The following ZFPM2 variants were observed in gnomAD, a reference collection of about 807,000 sequenced individuals.
ZFPM2 encodes the protein zinc finger protein ZFPM2.
A neutral mutation model predicts 98.6 loss-of-function variants in ZFPM2; 20 were observed. The observed-to-expected ratio is 0.20, with a 90% CI of 0.14 to 0.29. The LOEUF is 0.29. ZFPM2 is among the 10% of genes least tolerant of loss of function. The pLI, the probability that ZFPM2 is intolerant of heterozygous loss-of-function variation, is 1.00. For synonymous variants in ZFPM2, 518 were observed against 502.7 expected, an observed-to-expected ratio of 1.03 and a Z score of -0.41; for missense variants, 1,310 against 1,388.6, an observed-to-expected ratio of 0.94 and a Z score of 0.90.
chr8:105,695,654 C>A (rs544863092), intron 5 of ZFPM2, among the ~76,000 whole-genome samples: 74 of 152,126 alleles, frequency 4.9e-4, no homozygotes, highest in African/African-American at 1.7e-3. Flanking sequence ...TGCTGAGAAT[C>A]ACTCAAAACC....
chr8:105,335,985 T>A (rs561071210), intron 1 of ZFPM2, among the ~76,000 whole-genome samples: 1 of 151,938 alleles, frequency 6.6e-6, no homozygotes, highest in East Asian at 1.9e-4. Flanking sequence ...TGTAGGTAAC[T>A]TACATGTTAA....
chr8:105,649,957 T>TA (rs1217830336), intron 5 of ZFPM2, among the ~76,000 whole-genome samples: 2 of 152,210 alleles, frequency 1.3e-5, no homozygotes, highest in Non-Finnish European at 2.9e-5. Flanking sequence ...GAAAGAATGG[T>TA]ACCAGCTCCT....
At chr8:105,408,593 A>C (rs376115515) in intron 1 of ZFPM2, among the ~76,000 whole-genome samples, 2 of 152,062 alleles carry the variant, frequency 1.3e-5, no homozygotes, top group South Asian at 4.1e-4. Flanking sequence ...GGAAAATTAC[A>C]CATACACCTG....
At chr8:105,455,986 CT>C (rs1420468612) in intron 3 of ZFPM2, among the ~76,000 whole-genome samples, 1 of 151,832 alleles carries the variant, frequency 6.6e-6, no homozygotes, top group African/African-American at 2.4e-5. Context: ...ATGAAATTGC[CT>C]AGTATAGAAA....
intron 5 of ZFPM2, among the ~76,000 whole-genome samples, chr8:105,686,400 A>G (rs1306014712): frequency 6.6e-6 from 1 of 152,004 alleles, no homozygotes; most frequent in Non-Finnish European, 1.5e-5. Flanking sequence ...GTTGAACCCT[A>G]GTAGCATTTT....
At chr8:105,423,453 A>G (rs1811843826) in intron 2 of ZFPM2, among the ~76,000 whole-genome samples, 1 of 152,204 alleles carries the variant, frequency 6.6e-6, no homozygotes, top group African/African-American at 2.4e-5. Context: ...ATATAAAGCA[A>G]TACTTTCAAT....
intron 1 of ZFPM2, among the ~76,000 whole-genome samples, chr8:105,414,678 T>A (rs1811646847): frequency 6.6e-6 from 1 of 151,982 alleles, no homozygotes; most frequent in Admixed American, 6.6e-5. Context: ...ATTTCAGGGT[T>A]TTCTTTAGCC....
chr8:105,669,286 A>T (rs1021091687), intron 5 of ZFPM2, among the ~76,000 whole-genome samples: 23 of 151,942 alleles, frequency 1.5e-4, no homozygotes, highest in African/African-American at 5.1e-4. Flanking sequence ...ATTTCCTCTA[A>T]AATTCTCATA....
chr8:105,562,755 C>T lies in ZFPM2; in HGVS notation c.420+1274C>T, dbSNP rs1815166987. Among the ~76,000 whole-genome samples the T allele has an allele frequency of 2.6e-5, 4 of 152,116 alleles. No individual in the cohort carries two copies. The South Asian group carries it at 8.3e-4, about 32-fold the overall frequency. On this transcript the variant is annotated intron_variant, in intron 4 of 7. Coordinates refer to ENST00000407775, the MANE Select transcript of ZFPM2 (RefSeq NM_012082.4). ...GATGCTTATGATTACACTGTGTCTG[C>T]CTGGGTCGTCTAAGCTAATTTCTCT...
chr8:105,511,875 G>A (rs1813825355), intron 3 of ZFPM2, among the ~76,000 whole-genome samples: 2 of 152,280 alleles, frequency 1.3e-5, no homozygotes, highest in Non-Finnish European at 1.5e-5. Flanking sequence ...GTCAGACGGG[G>A]TGGTTCGTGC....
intron 3 of ZFPM2, among the ~76,000 whole-genome samples, chr8:105,559,628 T>C (rs532070486): frequency 1.3e-5 from 2 of 152,166 alleles, no homozygotes; most frequent in Non-Finnish European, 2.9e-5. Flanking sequence ...TACCGAAATA[T>C]TTTAGCTGAT....
At chr8:105,484,185 CATT>C (rs1253111354) in intron 3 of ZFPM2, among the ~76,000 whole-genome samples, 1 of 152,086 alleles carries the variant, frequency 6.6e-6, no homozygotes, top group Non-Finnish European at 1.5e-5. Context: ...AAGCTTTAGA[CATT>C]ATTTCTTCAA....
At chr8:105,607,798 C>A (rs532813674) in intron 4 of ZFPM2, among the ~76,000 whole-genome samples, 2 of 152,102 alleles carry the variant, frequency 1.3e-5, no homozygotes, top group Non-Finnish European at 2.9e-5. Context: ...TTTTTAACAT[C>A]TTTTTAATGA....
At chr8:105,426,902 A>G (rs1811924720) in intron 2 of ZFPM2, among the ~76,000 whole-genome samples, 1 of 152,198 alleles carries the variant, frequency 6.6e-6, no homozygotes, top group African/African-American at 2.4e-5. Flanking sequence ...GGTTGCCATG[A>G]GCCCAGATCA....
At chr8:105,674,700 C>G (rs1327393358) in intron 5 of ZFPM2, among the ~76,000 whole-genome samples, 2 of 152,134 alleles carry the variant, frequency 1.3e-5, no homozygotes, top group Admixed American at 1.3e-4. Context: ...ATTTTACACA[C>G]TCTTATATTA....
At chr8:105,554,309 A>T (rs1814933779) in intron 3 of ZFPM2, among the ~76,000 whole-genome samples, 1 of 152,202 alleles carries the variant, frequency 6.6e-6, no homozygotes, top group Non-Finnish European at 1.5e-5. Context: ...TGTGAAGATA[A>T]TCAGCAGTGA....
At chr8:105,330,553 C>CATAT (rs61051244) in intron 1 of ZFPM2, among the ~76,000 whole-genome samples, 4,838 of 92,102 alleles carry the variant, frequency 0.053, 216 homozygotes, top group Middle Eastern at 0.075. Flanking sequence ...TATATATATA[C>CATAT]ATATATATAT....
intron 1 of ZFPM2, among the ~76,000 whole-genome samples, chr8:105,359,029 T>A (rs1450418735): frequency 6.6e-6 from 1 of 152,158 alleles, no homozygotes; most frequent in Non-Finnish European, 1.5e-5. Flanking sequence ...ATGGTTAGGC[T>A]TTGTGTCCCC....
intron 3 of ZFPM2, among the ~76,000 whole-genome samples, chr8:105,505,426 G>C (rs1325516421): frequency 6.6e-6 from 1 of 152,092 alleles, no homozygotes; most frequent in African/African-American, 2.4e-5. Flanking sequence ...CAGTCATTTA[G>C]TTTATTTCTT....
Sources: gnomAD v4.1 joint callset for allele counts (sites outside exome capture counted in the v4.1 genomes callset) on GRCh38, gnomAD v4.1.1 for gene constraint, MANE v1.5 for transcripts, NCBI Gene and HGNC (gene_info 2026-07-23, HGNC 2026-07-21) for gene names.